Variants in IGSF11 observed in about 807,000 individuals in gnomAD.
IGSF11 encodes immunoglobulin superfamily member 11, also known as CXADR like 1.
A neutral mutation model predicts 41.0 loss-of-function variants in IGSF11; 22 were observed. The observed-to-expected ratio is 0.54, with a 90% CI of 0.38 to 0.77. The LOEUF (loss-of-function observed/expected upper bound fraction) is 0.77. IGSF11 is among the 30% of genes least tolerant of loss of function. The pLI, the probability that IGSF11 is intolerant of heterozygous loss-of-function variation, is 0.00. For synonymous variants in IGSF11, 219 were observed against 201.3 expected, an observed-to-expected ratio of 1.09 and a Z score of -0.74; for missense variants, 444 against 530.8, an observed-to-expected ratio of 0.84 and a Z score of 1.61.
At position 119,117,117 on chromosome 3, in the gene IGSF11, A is replaced by G. The variant is rs566383874; in HGVS notation, c.-13-11912T>C. 3.3e-5 allele frequency among the ~76,000 whole-genome samples: 5 copies of G among 151,582 alleles called. No individual in the cohort carries two copies. The East Asian group carries it at 9.8e-4, about 30-fold the overall frequency. ...TAAACTCTTTCTCTGCTACAATTTC[A>G]TGGTCTCTCTTTATGCAATGGGCAG... On this transcript the variant is annotated intron_variant, in intron 1 of 7. Transcript: ENST00000425327.
At chr3:119,046,746 G>T (rs1941371952) in intron 1 of IGSF11, among the ~76,000 whole-genome samples, 1 of 152,096 alleles carries the variant, frequency 6.6e-6, no homozygotes. Context: ...GCCAGAGAGA[G>T]AAAGGTCTGG....
At chr3:119,076,740 A>T (rs543295975) in intron 1 of IGSF11, among the ~76,000 whole-genome samples, 1 of 152,320 alleles carries the variant, frequency 6.6e-6, no homozygotes, top group East Asian at 1.9e-4. Flanking sequence ...TAGAATGGCG[A>T]TCATTAAAAA....
chr3:119,141,036 T>C (rs73185886), intron 1 of IGSF11, among the ~76,000 whole-genome samples: 31,783 of 106,448 alleles, frequency 0.3, 4,660 homozygotes, highest in Middle Eastern at 0.42. Flanking sequence ...GGAGACTCTG[T>C]CTCATTAAAA....
At chr3:119,135,417 C>T (rs36151376) in intron 1 of IGSF11, among the ~76,000 whole-genome samples, 30,126 of 152,106 alleles carry the variant, frequency 0.2, 3,240 homozygotes, top group South Asian at 0.29. Context: ...TGAACAGACA[C>T]TTCGCAAAAG....
intron 1 of IGSF11, among the ~76,000 whole-genome samples, chr3:119,047,920 G>A (rs991302151): frequency 7.2e-5 from 11 of 152,150 alleles, no homozygotes; most frequent in Admixed American, 6.5e-4. Flanking sequence ...CGAAATGAAG[G>A]CAGAAATAAA....
chr3:119,109,436 T>A (rs2077101539), upstream of IGSF11, among the ~76,000 whole-genome samples: 1 of 152,228 alleles, frequency 6.6e-6, no homozygotes. Context: ...GGTGGTGATA[T>A]CCCCTTTATC....
chr3:119,027,699 T>G (rs1939956555), intron 1 of IGSF11, among the ~76,000 whole-genome samples: 1 of 152,232 alleles, frequency 6.6e-6, no homozygotes, highest in Non-Finnish European at 1.5e-5. Flanking sequence ...TAAAGCTCTT[T>G]GCAGTCCTCA....
intron 1 of IGSF11, among the ~76,000 whole-genome samples, chr3:119,076,178 T>C (rs1191502309): frequency 2.6e-5 from 4 of 152,182 alleles, no homozygotes; most frequent in Admixed American, 6.5e-5. Flanking sequence ...ACCTACTTAA[T>C]AAATGGTGCT....
intron 1 of IGSF11, among the ~76,000 whole-genome samples, chr3:119,140,889 CA>C (rs1195691503): frequency 6.7e-6 from 1 of 149,388 alleles, no homozygotes; most frequent in African/African-American, 2.5e-5. Flanking sequence ...ACTAAAAATA[CA>C]AAAATTAGCC....
chr3:118,954,313 TA>T (rs1944798362), intron 1 of IGSF11, among the ~76,000 whole-genome samples: 3 of 152,178 alleles, frequency 2.0e-5, no homozygotes, highest in Admixed American at 6.5e-5. Context: ...TATGGCCTTA[TA>T]GTGTAGTTTG....
At position 119,069,854 on chromosome 3, in the gene IGSF11, A is replaced by G. The variant is rs553510207; in HGVS notation, c.49+35290T>C. Reference sequence around the variant, plus strand: ...TTTTTACTTCTCGAATTCTGTTGTCATGGCAATAAAAACTGAGACCTATTT... The same window carrying G: ...TTTTTACTTCTCGAATTCTGTTGTCGTGGCAATAAAAACTGAGACCTATTT... On this transcript the variant is annotated intron_variant, in intron 1 of 6. Coordinates refer to the IGSF11 transcript ENST00000354673. Among the ~76,000 whole-genome samples, 15 of 152,272 alleles carry G rather than the reference A, an allele frequency of 9.9e-5. No homozygotes were observed. In the East Asian group the frequency reaches 2.9e-3, roughly 29 times the overall value.
chr3:118,952,609 AT>A (rs990832717), intron 1 of IGSF11, among the ~76,000 whole-genome samples: 1 of 152,084 alleles, frequency 6.6e-6, no homozygotes, highest in African/African-American at 2.4e-5. Context: ...TTCAGGCTCC[AT>A]TTTTTTAAGA....
intron 1 of IGSF11, among the ~76,000 whole-genome samples, chr3:118,984,306 T>C (rs1935043554): frequency 1.3e-5 from 2 of 152,172 alleles, no homozygotes; most frequent in Non-Finnish European, 2.9e-5. Context: ...CATTGGTTAA[T>C]GTATCATGAT....
intron 1 of IGSF11, among the ~76,000 whole-genome samples, chr3:118,999,975 T>C (rs532506434): frequency 4.0e-5 from 6 of 151,560 alleles, no homozygotes; most frequent in East Asian, 1.9e-4. Flanking sequence ...CAATTAACCA[T>C]CTAAATTCAA....
At chr3:119,070,878 T>C (rs919496063) in intron 1 of IGSF11, among the ~76,000 whole-genome samples, 1 of 152,200 alleles carries the variant, frequency 6.6e-6, no homozygotes, top group Non-Finnish European at 1.5e-5. Context: ...GAACACAACA[T>C]AGCTACTTTT....
chr3:118,941,583 C>T (rs906994131), intron 1 of IGSF11, among the ~76,000 whole-genome samples: 3 of 152,122 alleles, frequency 2.0e-5, no homozygotes, highest in African/African-American at 7.2e-5. Context: ...TAAATGTACA[C>T]TTAACTATAC....
chr3:119,110,534 C>G (rs1351300627), intron 1 of IGSF11, among the ~76,000 whole-genome samples: 2 of 152,236 alleles, frequency 1.3e-5, no homozygotes, highest in Non-Finnish European at 2.9e-5. Context: ...TGGGTCTTCA[C>G]TCTTTATCCA....
chr3:119,071,933 A>AT (rs1300987790), intron 1 of IGSF11, among the ~76,000 whole-genome samples: 1 of 152,220 alleles, frequency 6.6e-6, no homozygotes, highest in Non-Finnish European at 1.5e-5. Context: ...GGATTGTCAT[A>AT]TTAAAAATAT....
intron 1 of IGSF11, among the ~76,000 whole-genome samples, chr3:119,082,996 T>C (rs989369018): frequency 1.9e-4 from 29 of 152,292 alleles, no homozygotes; most frequent in South Asian, 8.3e-4. Flanking sequence ...GACAAAACTG[T>C]AATGAAGAAG....
Sources: gnomAD v4.1 joint callset for allele counts (sites outside exome capture counted in the v4.1 genomes callset) on GRCh38, gnomAD v4.1.1 for gene constraint, MANE v1.5 for transcripts, NCBI Gene and HGNC (gene_info 2026-07-23, HGNC 2026-07-21) for gene names.